Variants in BUD13 observed in about 807,000 individuals in gnomAD.
BUD13 encodes the protein BUD13 spliceosome associated protein, also known as BUD13 homolog.
In BUD13, 47 loss-of-function variants were observed where a neutral mutation model predicts 62.5. The ratio of observed to expected loss-of-function variants is 0.75; its 90% CI spans 0.60 to 0.96. BUD13 has a LOEUF of 0.96. Ranked by LOEUF, BUD13 falls within the 40% of genes least tolerant of loss-of-function variation. The pLI is 0.00. For synonymous variants in BUD13, 293 were observed against 280.1 expected, an observed-to-expected ratio of 1.05 and a Z score of -0.46; for missense variants, 821 against 790.9, an observed-to-expected ratio of 1.04 and a Z score of -0.46.
rs1393129631 is a variant in BUD13 at position 116,748,472 on chromosome 11, C to G, written c.*10G>C. ...ACCACAGCCCAGCCACCCCCACAGCCTCAGGAAAGTTACATATCCTCAACA... is the reference window on the plus strand; with the variant it reads ...ACCACAGCCCAGCCACCCCCACAGCGTCAGGAAAGTTACATATCCTCAACA... On this transcript the variant is annotated 3_prime_UTR_variant, in exon 10 of 10. Coordinates refer to ENST00000260210, the MANE Select transcript of BUD13 (RefSeq NM_032725.4). 3.7e-6 allele frequency: 6 copies of G among 1,613,948 alleles called. No homozygotes were observed. Among genetic ancestry groups the G allele is most frequent in the Non-Finnish European group, 4.2e-6 (5 of 1,179,766 alleles).
intron 5 of BUD13, among the ~76,000 whole-genome samples, chr11:116,760,491 T>C (rs1247541276): frequency 6.6e-6 from 1 of 152,218 alleles, no homozygotes; most frequent in Non-Finnish European, 1.5e-5. Flanking sequence ...TAAAATGAGA[T>C]TGTAGAATTA....
At chr11:116,772,681 G>T in intron 1 of BUD13, 141 bp downstream of exon 1, 1 of 1,211,824 alleles carries the variant, frequency 8.3e-7, no homozygotes, top group South Asian at 1.7e-5. Context: ...AGCGATGTGA[G>T]TGGGGCCCTG....
At chr11:116,760,614 T>A in intron 5 of BUD13, 121 bp downstream of exon 5, 1 of 1,164,322 alleles carries the variant, frequency 8.6e-7, no homozygotes, top group Non-Finnish European at 1.2e-6. Flanking sequence ...TCCTTTTAAC[T>A]AAGATTTACT....
At chr11:116,753,545 CAG>C (rs1940277057) in intron 9 of BUD13, among the ~76,000 whole-genome samples, 2 of 152,168 alleles carry the variant, frequency 1.3e-5, no homozygotes, top group Non-Finnish European at 2.9e-5. Flanking sequence ...AAAGTCTCTA[CAG>C]TGTATCATTC....
intron 6 of BUD13, among the ~76,000 whole-genome samples, chr11:116,758,862 G>C (rs1448528823): frequency 6.6e-6 from 1 of 151,958 alleles, no homozygotes; most frequent in Non-Finnish European, 1.5e-5. Context: ...AAAGTGCTGG[G>C]ATTACAAGCA....
intron 9 of BUD13, among the ~76,000 whole-genome samples, chr11:116,754,360 AG>A (rs1940289635): frequency 6.6e-6 from 1 of 152,242 alleles, no homozygotes; most frequent in South Asian, 2.1e-4. Context: ...AAATTTCAAA[AG>A]ATCAAAATAT....
chr11:116,748,644 A>G, intron 9 of BUD13, 69 bp from the exon 10 acceptor site: 2 of 1,430,198 alleles, frequency 1.4e-6, no homozygotes, highest in East Asian at 2.3e-5. Flanking sequence ...AAGAAAGGGA[A>G]GAGTTCACAA....
chr11:116,750,323 C>T (rs1435029359), intron 9 of BUD13, among the ~76,000 whole-genome samples: 1 of 152,120 alleles, frequency 6.6e-6, no homozygotes, highest in Non-Finnish European at 1.5e-5. Context: ...AGTGAGTGGA[C>T]CTCAAATCCC....
At chr11:116,758,811 T>C (rs1428820468) in intron 6 of BUD13, among the ~76,000 whole-genome samples, 1 of 151,878 alleles carries the variant, frequency 6.6e-6, no homozygotes, top group Non-Finnish European at 1.5e-5. Context: ...AGGCTGGTCT[T>C]GAACTACAGA....
rs778966153 is a variant in BUD13, at chr11:116,762,707, G to C, written c.882C>G (p.Ala294=). Reference sequence around the variant, plus strand: ...TCCAATGTGGAGAAGTCTTGCTAGAGGCTCTTTCTGGGGCTTTACCACTTT... The same window carrying C: ...TCCAATGTGGAGAAGTCTTGCTAGACGCTCTTTCTGGGGCTTTACCACTTT... The part of the protein sequence containing the change: ...RTKSGKAPER[A]SSKTSPHWKE... Residue 294 remains alanine, a synonymous_variant, in exon 4 of 10, where the codon GCC becomes GCG. Transcript: ENST00000260210. 6.2e-7 allele frequency: 1 copy of C among 1,614,092 alleles called. No homozygotes were observed. The highest frequency in any genetic ancestry group is 8.5e-7 in the Non-Finnish European group (1 of 1,180,034).
chr11:116,762,791 C>T lies in BUD13; in HGVS notation c.798G>A (p.Arg266=), dbSNP rs1297990486. The change falls in exon 4 of 10, where the codon AGG becomes AGA. Residue 266 remains arginine (R), a synonymous_variant. Coordinates refer to ENST00000260210, the MANE Select transcript of BUD13 (RefSeq NM_032725.4). ...CCAAATCAGGGGAGTCATGACGGGCCCTTCTGAGTTGCTGTGTGTCTGAAG... is the reference window on the plus strand; with the variant it reads ...CCAAATCAGGGGAGTCATGACGGGCTCTTCTGAGTTGCTGTGTGTCTGAAG... ...LGSSDTQQLR[R]ARHDSPDLAP... 6 of 1,614,106 alleles carry T rather than the reference C, an allele frequency of 3.7e-6. No individual in the cohort carries two copies. Among genetic ancestry groups the T allele is most frequent in the Non-Finnish European group, 5.1e-6 (6 of 1,180,024 alleles).
At chr11:116,764,612 G>A (rs1165897436) in intron 3 of BUD13, among the ~76,000 whole-genome samples, 1 of 152,132 alleles carries the variant, frequency 6.6e-6, no homozygotes, top group African/African-American at 2.4e-5. Flanking sequence ...AACAGACATG[G>A]AGACCAAAAG....
chr11:116,765,403 A>G lies in BUD13; in HGVS notation c.281T>C (p.Met94Thr). The stretch of plus-strand genomic sequence containing the variant: ...TTTGGCACTGGAACGAAAGGCCTCC[A>G]TCTGCTTTACCTCTTCTGGCCGCTC... ...VDERPEEVKQMEAFRSSAKWK... is the reference protein window; with the variant it reads ...VDERPEEVKQTEAFRSSAKWK... Residue 94 changes from methionine (M) to threonine (T), a missense_variant, in exon 3 of 10, where the codon ATG becomes ACG. By Grantham distance (81) the Met-to-Thr change is moderately conservative (BLOSUM62 -1). Transcript: ENST00000260210. 1 of 1,614,180 alleles carries G rather than the reference A, an allele frequency of 6.2e-7. No homozygotes were observed. Among genetic ancestry groups the G allele is most frequent in the Non-Finnish European group, 8.5e-7 (1 of 1,180,018 alleles).
intron 7 of BUD13, 54 bp downstream of exon 7, chr11:116,758,215 A>T: frequency 5.0e-6 from 8 of 1,602,090 alleles, no homozygotes; most frequent in Non-Finnish European, 6.8e-6. Flanking sequence ...AGAGCAGAGA[A>T]ATGACTTGTT....
intron 7 of BUD13, 42 bp downstream of exon 7, chr11:116,758,227 C>T (rs1940366131): frequency 1.2e-6 from 2 of 1,608,110 alleles, no homozygotes; most frequent in Non-Finnish European, 1.7e-6. Context: ...TGACTTGTTC[C>T]AGTCACTGCC....
chr11:116,763,786 A>C (rs937894023), intron 3 of BUD13, among the ~76,000 whole-genome samples: 1 of 152,244 alleles, frequency 6.6e-6, no homozygotes, highest in African/African-American at 2.4e-5. Flanking sequence ...AAATTGACTA[A>C]AACGGTGAAT....
At chr11:116,759,052 C>T (rs1940384520) in intron 6 of BUD13, 22 bp downstream of exon 6, 2 of 1,558,226 alleles carry the variant, frequency 1.3e-6, no homozygotes, top group South Asian at 2.3e-5. Flanking sequence ...CTAAATTGGT[C>T]TCTGCACTTT....
chr11:116,763,348 T>G (rs999740489), intron 3 of BUD13, 82 bp from the exon 4 acceptor site: 2 of 1,300,880 alleles, frequency 1.5e-6, no homozygotes, highest in African/African-American at 3.0e-5. Flanking sequence ...CAAAAGATGC[T>G]CCAGTAGCAC....
intron 2 of BUD13, among the ~76,000 whole-genome samples, chr11:116,767,609 A>AG (rs1940554540): frequency 6.6e-6 from 1 of 151,328 alleles, no homozygotes; most frequent in Admixed American, 6.6e-5. Context: ...AAAAAAAAAA[A>AG]AAAGAAACTG....
Sources: allele counts gnomAD v4.1 joint callset (sites outside exome capture counted in the v4.1 genomes callset), GRCh38; gene constraint gnomAD v4.1.1; transcripts MANE v1.5; gene names NCBI Gene and HGNC (gene_info 2026-07-23, HGNC 2026-07-21).